XKR6: variants seen among roughly 807,000 people sequenced by gnomAD.
XKR6 encodes XK related 6.
In XKR6, 22 loss-of-function variants were observed where a neutral mutation model predicts 56.7. The observed-to-expected ratio is 0.39, with a 90% CI of 0.28 to 0.55. XKR6 has a LOEUF of 0.55. Among genes scored for constraint, XKR6 ranks in the 20% least tolerant of loss-of-function variants. The probability of loss-of-function intolerance (pLI) is 0.66; values close to 1 mark genes in which losing one functional copy is unlikely to be tolerated. For synonymous variants in XKR6, 524 were observed against 387.8 expected, an observed-to-expected ratio of 1.35 and a Z score of -4.13; for missense variants, 852 against 889.0, an observed-to-expected ratio of 0.96 and a Z score of 0.53.
At chr8:11,059,380 G>C (rs1333866707) in intron 1 of XKR6, among the ~76,000 whole-genome samples, 3 of 152,344 alleles carry the variant, frequency 2.0e-5, no homozygotes, top group African/African-American at 7.2e-5. Flanking sequence ...CCAGCCCCCA[G>C]CGAACTGGAG....
chr8:11,188,614 T>TTTC (rs1803394441), intron 1 of XKR6, among the ~76,000 whole-genome samples: 2 of 152,250 alleles, frequency 1.3e-5, no homozygotes, highest in African/African-American at 2.4e-5. Flanking sequence ...TTCTTCAGCT[T>TTTC]TGAAGGCAAA....
intron 1 of XKR6, among the ~76,000 whole-genome samples, chr8:11,045,143 G>A (rs576006860): frequency 2.5e-5 from 3 of 122,256 alleles, no homozygotes; most frequent in South Asian, 5.6e-4. Context: ...CCGGAGTGCA[G>A]TGGCACGATC....
At chr8:11,070,939 T>A (rs1201080828) in intron 1 of XKR6, among the ~76,000 whole-genome samples, 1 of 152,144 alleles carries the variant, frequency 6.6e-6, no homozygotes, top group Non-Finnish European at 1.5e-5. Context: ...AAGGAATGAA[T>A]GAACAAATCA....
chr8:11,200,361 G>C lies in XKR6; in HGVS notation c.764+215C>G, dbSNP rs962406044. ...CCGAGTGCGAAGCGGGGACGAGGAC[G>C]GGCCAACGGCAGGTCTCGGCCTCCC... On this transcript the variant is annotated intron_variant, in intron 1 of 2. Transcript: ENST00000416569. This position sits in a 1 kb window ranked among gnomAD's most constrained non-coding sequence, Gnocchi z 6.4. 5.3e-5 allele frequency among the ~76,000 whole-genome samples: 8 copies of C among 152,246 alleles called. No homozygotes were observed. Among genetic ancestry groups the C allele is most frequent in the East Asian group, 1.9e-4 (1 of 5,194 alleles).
At chr8:10,929,799 T>A (rs565486356) in intron 1 of XKR6, among the ~76,000 whole-genome samples, 2 of 152,324 alleles carry the variant, frequency 1.3e-5, no homozygotes, top group Admixed American at 1.3e-4. Context: ...GAAGTCACCA[T>A]GCAGATGGCA....
intron 2 of XKR6, among the ~76,000 whole-genome samples, chr8:10,914,132 A>G (rs1366760546): frequency 1.3e-5 from 2 of 151,982 alleles, no homozygotes; most frequent in East Asian, 3.9e-4. Flanking sequence ...TATGGGTGTA[A>G]GCTTCCCAGA....
chr8:10,951,601 C>T (rs147614383), intron 1 of XKR6, among the ~76,000 whole-genome samples: 1,593 of 152,366 alleles, frequency 0.01, 14 homozygotes, highest in Non-Finnish European at 0.014. Context: ...GGGTCTTCAC[C>T]TGCAGAATGG....
chr8:11,092,314 T>C (rs1798099522), intron 1 of XKR6, among the ~76,000 whole-genome samples: 1 of 152,226 alleles, frequency 6.6e-6, no homozygotes, highest in African/African-American at 2.4e-5. Context: ...AGTGAGCAAA[T>C]GTTTTAGCAA....
chr8:11,118,355 A>C (rs1055982633), intron 1 of XKR6, among the ~76,000 whole-genome samples: 3 of 152,168 alleles, frequency 2.0e-5, no homozygotes, highest in African/African-American at 4.8e-5. Context: ...CTCTTTTTCT[A>C]TTGATTGGAA....
intron 1 of XKR6, among the ~76,000 whole-genome samples, chr8:10,963,555 T>A (rs1357973980): frequency 6.6e-6 from 1 of 152,002 alleles, no homozygotes; most frequent in African/African-American, 2.4e-5. Context: ...CCTTTTTTTT[T>A]TTTTGAGATC....
At chr8:11,132,840 G>A (rs79253851) in intron 1 of XKR6, among the ~76,000 whole-genome samples, 7,733 of 140,712 alleles carry the variant, frequency 0.055, 234 homozygotes, top group African/African-American at 0.085. Flanking sequence ...CTTTTCACCT[G>A]TAATGCTTTG....
At chr8:11,059,427 C>A (rs112084011) in intron 1 of XKR6, among the ~76,000 whole-genome samples, 3 of 152,332 alleles carry the variant, frequency 2.0e-5, no homozygotes, top group African/African-American at 7.2e-5. Context: ...CGGCCGAGGG[C>A]AGCGCTCAGC....
intron 1 of XKR6, chr8:11,062,881 T>G (rs1046537214): frequency 4.4e-6 from 2 of 455,696 alleles, no homozygotes; most frequent in Non-Finnish European, 8.8e-6. Context: ...TGGGTGTCCC[T>G]TCCAGACGTC....
At chr8:10,914,402 G>A (rs1318448579) in intron 2 of XKR6, among the ~76,000 whole-genome samples, 2 of 152,128 alleles carry the variant, frequency 1.3e-5, no homozygotes, top group East Asian at 1.9e-4. Context: ...GCTGAGATTC[G>A]TAAAGAATGG....
intron 1 of XKR6, among the ~76,000 whole-genome samples, chr8:10,944,443 C>T (rs1017422495): frequency 6.6e-6 from 1 of 152,176 alleles, no homozygotes; most frequent in African/African-American, 2.4e-5. Flanking sequence ...AAGGGTTGGA[C>T]CCACTGACCT....
chr8:11,104,053 G>C (rs1322731803), intron 1 of XKR6, among the ~76,000 whole-genome samples: 2 of 152,162 alleles, frequency 1.3e-5, no homozygotes, highest in Non-Finnish European at 2.9e-5. Context: ...TTGCTTTCAA[G>C]TCCCACAGAA....
At chr8:11,083,635 A>T (rs540394521) in intron 1 of XKR6, among the ~76,000 whole-genome samples, 22 of 152,364 alleles carry the variant, frequency 1.4e-4, no homozygotes, top group African/African-American at 5.3e-4. Flanking sequence ...ATGAGTTCAT[A>T]GAGAAAAAGC....
chr8:11,137,924 C>A, intron 1 of XKR6: 1 of 356,386 alleles, frequency 2.8e-6, no homozygotes, highest in Admixed American at 3.9e-5. Context: ...TTTCGTGACA[C>A]AACTCGACCT....
chr8:11,035,759 T>C (rs1342822283), intron 1 of XKR6, among the ~76,000 whole-genome samples: 1 of 151,964 alleles, frequency 6.6e-6, no homozygotes, highest in African/African-American at 2.4e-5. Context: ...AGGAGATTAG[T>C]GAGTTGATGT....
Sources: gnomAD v4.1 joint callset for allele counts (sites outside exome capture counted in the v4.1 genomes callset) on GRCh38, gnomAD v4.1.1 for gene constraint, Gnocchi (gnomAD v3.1) non-coding constraint, MANE v1.5 for transcripts, NCBI Gene and HGNC (gene_info 2026-07-23, HGNC 2026-07-21) for gene names.